UNC13C: variants seen among roughly 807,000 people sequenced by gnomAD.
UNC13C encodes unc-13 homolog C.
UNC13C carries 174 observed loss-of-function variants against 245.4 expected under a neutral mutation model. That is an observed-to-expected ratio of 0.71 (90% CI 0.63 to 0.80). The LOEUF (loss-of-function observed/expected upper bound fraction) is 0.80, where lower values mean the gene tolerates loss of function less well. UNC13C is among the 30% of genes least tolerant of loss of function. The pLI, the probability that UNC13C is intolerant of heterozygous loss-of-function variation, is 0.00. For missense variants in UNC13C, 2,829 were observed against 2,602.9 expected, an observed-to-expected ratio of 1.09 and a Z score of -1.89; for synonymous variants, 992 against 895.1, an observed-to-expected ratio of 1.11 and a Z score of -1.93.
rs564947777 is a variant in UNC13C, at chr15:54,346,481, A to G, written c.4713+7992A>G. Among the ~76,000 whole-genome samples the G allele has an allele frequency of 4.6e-5, 7 of 152,338 alleles. No individual in the cohort carries two copies. In the South Asian group the frequency reaches 8.3e-4, roughly 18 times the overall value. ...CAGATAATATGATGCCTTGCCTGAA[A>G]CAAGAAATTAAGAATTCCAGCACTA... On this transcript the variant is annotated intron_variant, in intron 17 of 32. Transcript: ENST00000260323.
intron 19 of UNC13C, among the ~76,000 whole-genome samples, chr15:54,420,060 T>C (rs2040606011): frequency 6.6e-6 from 1 of 152,076 alleles, no homozygotes; most frequent in Admixed American, 6.6e-5. Flanking sequence ...AAGAATAAGA[T>C]GAACAGATCC....
At chr15:53,986,387 TGA>T (rs1330096176) in intron 1 of UNC13C, among the ~76,000 whole-genome samples, 3 of 152,078 alleles carry the variant, frequency 2.0e-5, no homozygotes, top group Admixed American at 2.0e-4. Context: ...TTAAGATACT[TGA>T]CACTATAAGC....
chr15:54,374,806 G>C (rs555093), intron 17 of UNC13C, among the ~76,000 whole-genome samples: 2 of 152,056 alleles, frequency 1.3e-5, no homozygotes, highest in Non-Finnish European at 2.9e-5. Context: ...GCTGGCTGCA[G>C]CTGTCATCTT....
the UNC13C span, among the ~76,000 whole-genome samples, chr15:53,884,439 C>T: frequency 6.6e-6 from 1 of 152,112 alleles, no homozygotes; most frequent in South Asian, 2.1e-4. Flanking sequence ...GCAATACTCC[C>T]ACCTCAGCCT....
intron 19 of UNC13C, among the ~76,000 whole-genome samples, chr15:54,429,110 C>T (rs922829922): frequency 6.6e-6 from 1 of 151,652 alleles, no homozygotes; most frequent in Non-Finnish European, 1.5e-5. Flanking sequence ...CGGAGTTGTG[C>T]AATCACCATT....
chr15:53,880,892 A>G, the UNC13C span, among the ~76,000 whole-genome samples: 1 of 152,180 alleles, frequency 6.6e-6, no homozygotes, highest in Non-Finnish European at 1.5e-5. Context: ...ATGTTCATGA[A>G]TAAGAGAAGG....
intron 14 of UNC13C, 40 bp from the exon 15 acceptor site, chr15:54,332,003 A>G: frequency 1.4e-6 from 2 of 1,401,302 alleles, no homozygotes; most frequent in Non-Finnish European, 2.0e-6. Context: ...TAGAGTGGTC[A>G]TTTATTTCCA....
At chr15:54,385,554 G>A (rs930058200) in intron 17 of UNC13C, among the ~76,000 whole-genome samples, 1 of 152,036 alleles carries the variant, frequency 6.6e-6, no homozygotes, top group Non-Finnish European at 1.5e-5. Context: ...GGGTTGTGGC[G>A]AGGGTTGGAG....
At chr15:54,331,999 G>C (rs765348645) in intron 14 of UNC13C, 44 bp from the exon 15 acceptor site, 1 of 1,307,538 alleles carries the variant, frequency 7.6e-7, no homozygotes, top group East Asian at 2.5e-5. Flanking sequence ...TCTTTAGAGT[G>C]GTCATTTATT....
chr15:54,392,913 T>G, intron 17 of UNC13C, 135 bp from the exon 18 acceptor site: 2 of 1,033,626 alleles, frequency 1.9e-6, no homozygotes, highest in Non-Finnish European at 2.7e-6. Context: ...AACCTGAGTT[T>G]AACAGCTTTG....
At chr15:54,094,455 C>G (rs1425770018) in intron 2 of UNC13C, among the ~76,000 whole-genome samples, 1 of 152,156 alleles carries the variant, frequency 6.6e-6, no homozygotes, top group African/African-American at 2.4e-5. Context: ...CTAACTGGTA[C>G]TCATGAGTGT....
intron 2 of UNC13C, among the ~76,000 whole-genome samples, chr15:54,099,388 C>G (rs1324904430): frequency 6.6e-6 from 1 of 152,152 alleles, no homozygotes; most frequent in Non-Finnish European, 1.5e-5. Context: ...ATATAGCAAA[C>G]CCCAGTAAGT....
At chr15:54,445,870 G>A (rs1186554897) in intron 19 of UNC13C, among the ~76,000 whole-genome samples, 2 of 152,168 alleles carry the variant, frequency 1.3e-5, no homozygotes, top group Non-Finnish European at 2.9e-5. Context: ...CCTTGCCCAT[G>A]CCTATGTCCG....
intron 19 of UNC13C, among the ~76,000 whole-genome samples, chr15:54,447,486 C>T (rs1890884117): frequency 6.6e-6 from 1 of 152,206 alleles, no homozygotes; most frequent in Non-Finnish European, 1.5e-5. Context: ...CAACTTCTTC[C>T]TGGTTTAGTC....
chr15:54,612,627 A>G (rs1900176297), intron 30 of UNC13C, among the ~76,000 whole-genome samples: 1 of 151,780 alleles, frequency 6.6e-6, no homozygotes. Context: ...TTTCTCATTG[A>G]CTCCATTCAT....
intron 2 of UNC13C, among the ~76,000 whole-genome samples, chr15:54,102,449 A>G (rs1278121022): frequency 6.6e-6 from 1 of 152,192 alleles, no homozygotes; most frequent in African/African-American, 2.4e-5. Context: ...ATGCTTGTGT[A>G]TGTCACACTC....
At chr15:54,588,366 CTA>C (rs1192580802) in intron 30 of UNC13C, among the ~76,000 whole-genome samples, 1 of 152,202 alleles carries the variant, frequency 6.6e-6, no homozygotes, top group Non-Finnish European at 1.5e-5. Flanking sequence ...TTTAACTTAT[CTA>C]TGTCTCATTC....
At chr15:53,883,137 A>G in the UNC13C span, among the ~76,000 whole-genome samples, 1 of 152,200 alleles carries the variant, frequency 6.6e-6, no homozygotes, top group Non-Finnish European at 1.5e-5. Flanking sequence ...CTGTAGGAAA[A>G]GATTTAATAG....
chr15:54,554,219 G>A (rs560470408), intron 28 of UNC13C, among the ~76,000 whole-genome samples: 2 of 152,044 alleles, frequency 1.3e-5, no homozygotes, highest in South Asian at 2.1e-4. Context: ...AAAAGCTGAA[G>A]GAGTGAGCGA....
Sources: allele counts gnomAD v4.1 joint callset (sites outside exome capture counted in the v4.1 genomes callset), GRCh38; gene constraint gnomAD v4.1.1; transcripts MANE v1.5; gene names NCBI Gene and HGNC (gene_info 2026-07-23, HGNC 2026-07-21).